Variants in SLC35A3 observed in about 807,000 individuals in gnomAD.
The protein encoded by SLC35A3 is solute carrier family 35 member A3, also known as UDP-N-acetylglucosamine transporter.
A neutral mutation model predicts 39.0 loss-of-function variants in SLC35A3; 26 were observed. That is an observed-to-expected ratio of 0.67 (90% confidence interval 0.49 to 0.92). The LOEUF (loss-of-function observed/expected upper bound fraction) is 0.92, where lower values mean the gene tolerates loss of function less well. Among genes scored for constraint, SLC35A3 ranks in the 40% least tolerant of loss-of-function variants. The pLI is 0.00. For synonymous variants in SLC35A3, 135 were observed against 133.1 expected (o/e 1.01, Z -0.10); for missense variants, 299 against 371.6 (o/e 0.80, Z 1.61).
intron 1 of SLC35A3, among the ~76,000 whole-genome samples, chr1:99,982,058 G>A (rs1310675890): frequency 6.8e-6 from 1 of 146,996 alleles, no homozygotes; most frequent in African/African-American, 2.5e-5. Flanking sequence ...AGGCTGGAGT[G>A]CAGTGGCACA....
Position 99,979,557 on chromosome 1 carries a change from C to T in SLC35A3, c.-19+9395C>T, listed in dbSNP as rs193143027. On this transcript the variant is annotated intron_variant, in intron 1 of 7. Coordinates refer to ENST00000533028, the MANE Select transcript of SLC35A3 (RefSeq NM_012243.3). The stretch of plus-strand genomic sequence containing the variant: ...CATGCCATTCTCCTGCCTCAGCCTC[C>T]GGAGTAGCTGGGACTACAGGCGCCC... 9.1e-3 allele frequency among the ~76,000 whole-genome samples: 1,378 copies of T among 151,220 alleles called. 24 individuals carry two copies. Among genetic ancestry groups the T allele is most frequent in the African/African-American group, 0.032 (1,325 of 41,288 alleles).
intron 7 of SLC35A3, among the ~76,000 whole-genome samples, chr1:100,019,876 T>C (rs978759378): frequency 2.0e-5 from 3 of 152,192 alleles, no homozygotes; most frequent in African/African-American, 7.2e-5. Context: ...CTTCCCTAAA[T>C]TATTTTTCTT....
Position 100,023,490 on chromosome 1 carries a change from A to C in SLC35A3, c.*1014A>C, listed in dbSNP as rs1408961334. The C allele has an allele frequency of 6.6e-6, 1 of 152,260 alleles. No homozygotes were observed. Among genetic ancestry groups the C allele is most frequent in the Admixed American group, 6.5e-5 (1 of 15,284 alleles). 9.4% of individuals were successfully genotyped at this position (152,260 alleles called of 1,614,324 possible). A position where few individuals can be genotyped will look rare whatever the true frequency, so the allele number is the denominator to read the frequency against. ...ACTTCTTTAATCTACAACTGTTTAC[A>C]AAAACAACATTCAAACAAATAGTAC... On this transcript the variant is annotated 3_prime_UTR_variant, in exon 8 of 8. Transcript: ENST00000533028.
rs1319658626 is a variant in SLC35A3, at chr1:100,035,486, C to G, written c.*13010C>G. ...TTTAGTATGTGTTAAATTTCTCTTACTACATTATTTCCAACAGTATTTACT... is the reference window on the plus strand; with the variant it reads ...TTTAGTATGTGTTAAATTTCTCTTAGTACATTATTTCCAACAGTATTTACT... On this transcript the variant is annotated 3_prime_UTR_variant, in exon 8 of 8. Coordinates refer to ENST00000533028, the MANE Select transcript of SLC35A3 (RefSeq NM_012243.3). The G allele has an allele frequency of 1.3e-5, 2 of 152,210 alleles. No homozygotes were observed. Among genetic ancestry groups the G allele is most frequent in the Non-Finnish European group, 2.9e-5 (2 of 68,040 alleles). The allele number at this position is 152,210 out of a possible 1,614,324, so 9.4% of individuals were successfully genotyped here. A position where few individuals can be genotyped will look rare whatever the true frequency, so the allele number is the denominator to read the frequency against.
At chr1:99,978,092 T>A (rs1657227366) in intron 1 of SLC35A3, among the ~76,000 whole-genome samples, 1 of 152,226 alleles carries the variant, frequency 6.6e-6, no homozygotes, top group Non-Finnish European at 1.5e-5. Flanking sequence ...TTTCTCTAGC[T>A]TATAAGCTTT....
At chr1:100,000,623 A>G (rs1417710868) in intron 3 of SLC35A3, 5 of 150,724 alleles carry the variant, frequency 3.3e-5, no homozygotes, top group African/African-American at 1.2e-4. Context: ...TTATGTATTT[A>G]TTTGTATATC....
chr1:100,009,276 T>C (rs1365740720), intron 4 of SLC35A3: 1 of 152,186 alleles, frequency 6.6e-6, no homozygotes. Flanking sequence ...CTTTTCACTA[T>C]TTGTGTTTCA....
chr1:100,004,574 C>T (rs1314280619), intron 3 of SLC35A3, among the ~76,000 whole-genome samples: 4 of 151,898 alleles, frequency 2.6e-5, no homozygotes, highest in Non-Finnish European at 4.4e-5. Flanking sequence ...AGTGTGATTA[C>T]AGGCACCTGG....
intron 4 of SLC35A3, chr1:100,009,077 A>C (rs1446773466): frequency 6.6e-6 from 1 of 152,230 alleles, no homozygotes; most frequent in African/African-American, 2.4e-5. Flanking sequence ...AAATTTGCAT[A>C]CTGAGTACTT....
chr1:99,979,746 TA>T (rs1186732839), intron 1 of SLC35A3, among the ~76,000 whole-genome samples: 1 of 145,250 alleles, frequency 6.9e-6, no homozygotes, highest in Non-Finnish European at 1.5e-5. Context: ...CTTTTCTTTT[TA>T]AAAATATTTT....
chr1:100,027,062 A>G lies in SLC35A3; in HGVS notation c.*4586A>G, dbSNP rs749611870. 16 of 397,676 alleles carry G rather than the reference A, an allele frequency of 4.0e-5. No homozygotes were observed. In the East Asian group the frequency reaches 4.3e-4, roughly 11 times the overall value. 24.6% of individuals were successfully genotyped at this position (397,676 alleles called of 1,614,324 possible). A position where few individuals can be genotyped will look rare whatever the true frequency, so the allele number is the denominator to read the frequency against. On this transcript the variant is annotated 3_prime_UTR_variant, in exon 8 of 8. Transcript: ENST00000533028. The stretch of plus-strand genomic sequence containing the variant: ...ATTAGTCTTCTCTCTTTATATATCA[A>G]AAATGAATTACTGATCTTTTTCTCT...
chr1:99,996,791 T>C (rs891133398), intron 2 of SLC35A3, among the ~76,000 whole-genome samples: 1 of 152,132 alleles, frequency 6.6e-6, no homozygotes, highest in Non-Finnish European at 1.5e-5. Flanking sequence ...TGGTAACTTT[T>C]ATCTTAGTTA....
At position 100,015,289 on chromosome 1, in the gene SLC35A3, T is replaced by C; in HGVS notation, c.635-13T>C. On this transcript the variant is annotated splice_polypyrimidine_tract_variant and intron_variant, in intron 5 of 7. Coordinates refer to ENST00000533028, the MANE Select transcript of SLC35A3 (RefSeq NM_012243.3). Reference sequence around the variant, plus strand: ...ACTAAACGATATATCATGTAGACTTTACTTTTTTTTAGGTTTCTTTGGAAG... The same window carrying C: ...ACTAAACGATATATCATGTAGACTTCACTTTTTTTTAGGTTTCTTTGGAAG... The C allele has an allele frequency of 6.3e-7, 1 of 1,590,872 alleles. No homozygotes were observed. The highest frequency in any genetic ancestry group is 1.2e-5 in the South Asian group (1 of 86,322).
intron 3 of SLC35A3, among the ~76,000 whole-genome samples, chr1:100,006,244 G>A (rs1023213466): frequency 6.6e-6 from 1 of 152,122 alleles, no homozygotes. Flanking sequence ...AGGTATGCTG[G>A]TTCTTGGGTC....
chr1:99,971,887 C>T (rs1656834879), intron 1 of SLC35A3, among the ~76,000 whole-genome samples: 1 of 152,058 alleles, frequency 6.6e-6, no homozygotes, highest in Non-Finnish European at 1.5e-5. Flanking sequence ...CCAGTTCATT[C>T]TTTTTTTCTT....
Position 100,026,266 on chromosome 1 carries a change from T to G in SLC35A3, c.*3790T>G, listed in dbSNP as rs1208408864. The G allele has an allele frequency of 6.6e-6, 1 of 152,186 alleles. No individual in the cohort carries two copies. Among genetic ancestry groups the G allele is most frequent in the Non-Finnish European group, 1.5e-5 (1 of 68,008 alleles). The allele number at this position is 152,186 out of a possible 1,614,324, so 9.4% of individuals were successfully genotyped here. ...ACTCATTTGATTTACACATTCACATTATAATATTTAATTATCATGGGTGTA... is the reference window on the plus strand; with the variant it reads ...ACTCATTTGATTTACACATTCACATGATAATATTTAATTATCATGGGTGTA... On this transcript the variant is annotated 3_prime_UTR_variant, in exon 8 of 8. Transcript: ENST00000533028.
chr1:100,006,378 G>T (rs954429601), intron 3 of SLC35A3, among the ~76,000 whole-genome samples: 1 of 152,274 alleles, frequency 6.6e-6, no homozygotes, highest in Admixed American at 6.5e-5. Context: ...GGGTCTTCCA[G>T]TTCTTGGGTG....
chr1:100,007,013 T>C, intron 3 of SLC35A3, 21 bp from the exon 4 acceptor site: 1 of 1,585,590 alleles, frequency 6.3e-7, no homozygotes, highest in Admixed American at 1.8e-5. Context: ...ACATTAATAA[T>C]ATTACTGTTT....
At chr1:100,001,444 A>AT (rs201815263) in intron 3 of SLC35A3, among the ~76,000 whole-genome samples, 87 of 147,426 alleles carry the variant, frequency 5.9e-4, no homozygotes, top group Admixed American at 3.4e-3. Context: ...TTATTCCCAG[A>AT]TTTTTTTTTT....
Sources: allele counts gnomAD v4.1 joint callset (sites outside exome capture counted in the v4.1 genomes callset), GRCh38; gene constraint gnomAD v4.1.1; transcripts MANE v1.5; gene names NCBI Gene and HGNC (gene_info 2026-07-23, HGNC 2026-07-21).